The following DIDO1 variants were observed in gnomAD, a reference collection of about 807,000 sequenced individuals.
DIDO1 encodes death inducer-obliterator 1, also known as death-inducer obliterator 1.
A neutral mutation model predicts 99.4 loss-of-function variants in DIDO1; 16 were observed. That is an observed-to-expected ratio of 0.16 (90% confidence interval 0.11 to 0.24). DIDO1 has a LOEUF of 0.24. DIDO1 is among the 10% of genes least tolerant of loss of function. The pLI is 1.00. For missense variants in DIDO1, 2,996 were observed against 3,014.0 expected (o/e 0.99, Z 0.14); for synonymous variants, 1,366 against 1,239.1 (o/e 1.10, Z -2.15).
At chr20:62,908,011 G>A (rs1359458596) in intron 4 of DIDO1, among the ~76,000 whole-genome samples, 1 of 151,928 alleles carries the variant, frequency 6.6e-6, no homozygotes, top group African/African-American at 2.4e-5. Context: ...ACAGGGTCTC[G>A]CTCTGTTGCC....
chr20:62,903,621 T>A (rs3746763), intron 6 of DIDO1, among the ~76,000 whole-genome samples: 34,982 of 152,192 alleles, frequency 0.23, 4,308 homozygotes, highest in East Asian at 0.34. Flanking sequence ...CTGTCACCAA[T>A]GTCTCTAACT....
At chr20:62,901,177 G>A (rs900125403) in intron 6 of DIDO1, among the ~76,000 whole-genome samples, 14 of 152,266 alleles carry the variant, frequency 9.2e-5, no homozygotes, top group African/African-American at 3.4e-4. Flanking sequence ...CATCGCAGAC[G>A]CTCCTCAGAG....
chr20:62,882,248 C>G lies in DIDO1; in HGVS notation c.3708G>C (p.Gln1236His). The change falls in exon 16 of 16, where the codon CAG becomes CAC. Residue 1236 changes from glutamine (Q) to histidine (H), a missense_variant. Physicochemically the swap from Gln to His is conservative, Grantham distance 24. Around this residue, in one of 5 missense-constraint regions of DIDO1, gnomAD observed 1,562 missense variants for 1,412.6 expected, o/e 1.11. Transcript: ENST00000395343. ...PAYPKVATVP[Q>H]SEKKPSKYPL... ...GATACTTGGAGGGCTTCTTTTCCGACTGCGGGACTGTGGCTACTTTTGGAT... is the reference window on the plus strand; with the variant it reads ...GATACTTGGAGGGCTTCTTTTCCGAGTGCGGGACTGTGGCTACTTTTGGAT... 1 of 1,613,980 alleles carries G rather than the reference C, an allele frequency of 6.2e-7. No homozygotes were observed. Among genetic ancestry groups the G allele is most frequent in the Non-Finnish European group, 8.5e-7 (1 of 1,180,034 alleles).
chr20:62,885,664 C>T lies in DIDO1; in HGVS notation c.3542-3250G>A, dbSNP rs377480560. On this transcript the variant is annotated intron_variant, in intron 15 of 15. Transcript: ENST00000395343. ...GATGGGTGCTCGTTCTGAATTTCCCCGCCATTTAAAATTTAAATTGGGCTG... is the reference window on the plus strand; with the variant it reads ...GATGGGTGCTCGTTCTGAATTTCCCTGCCATTTAAAATTTAAATTGGGCTG... 1.2e-3 allele frequency among the ~76,000 whole-genome samples: 181 copies of T among 152,272 alleles called. 8 individuals are homozygous for T. The South Asian group carries it at 0.036, about 30-fold the overall frequency.
chr20:62,880,456 G>T lies in DIDO1; in HGVS notation c.5500C>A (p.Pro1834Thr). The T allele has an allele frequency of 6.2e-7, 1 of 1,612,926 alleles. No homozygotes were observed. The highest frequency in any genetic ancestry group is 1.1e-5 in the South Asian group (1 of 91,088). The change falls in exon 16 of 16, where the codon CCA (proline) becomes ACA (threonine). Residue 1834 changes from proline (P) to threonine (T), a missense_variant. Pro to Thr is a conservative substitution (Grantham distance 38, BLOSUM62 -1). Around this residue, in one of 5 missense-constraint regions of DIDO1, gnomAD observed 1,562 missense variants for 1,412.6 expected, o/e 1.11. Transcript: ENST00000395343. Reference sequence around the variant, plus strand: ...AATTGGGATGGTGCCACTCCTCGTGGTCCACCAAGGTAAGAGGGTGAGGGG... The same window carrying T: ...AATTGGGATGGTGCCACTCCTCGTGTTCCACCAAGGTAAGAGGGTGAGGGG... ...RGPSPSYLGGPRGVAPSQFEE... is the reference protein window; with the variant it reads ...RGPSPSYLGGTRGVAPSQFEE...
intron 1 of DIDO1, among the ~76,000 whole-genome samples, chr20:62,918,244 A>C (rs1318847312): frequency 6.6e-6 from 1 of 152,258 alleles, no homozygotes; most frequent in Non-Finnish European, 1.5e-5. Flanking sequence ...CAACCACTGC[A>C]AATCTGTATG....
Position 62,880,979 on chromosome 20 carries a change from C to T in DIDO1, c.4977G>A (p.Leu1659=), listed in dbSNP as rs1226198939. 1 of 1,605,796 alleles carries T rather than the reference C, an allele frequency of 6.2e-7. No homozygotes were observed. Among genetic ancestry groups the T allele is most frequent in the African/African-American group, 1.3e-5 (1 of 74,890 alleles). ...GGGCGCCGCAAGGCGGTGTGGGCAGCAGCACCCTCCGGGCAGGCCTGGCCG... is the reference window on the plus strand; with the variant it reads ...GGGCGCCGCAAGGCGGTGTGGGCAGTAGCACCCTCCGGGCAGGCCTGGCCG... ...DSSARPARRV[L]LPTPPCGALQ... is the part of the protein sequence containing the mutation. Residue 1659 remains leucine, a synonymous_variant, in exon 16 of 16, where the codon CTG becomes CTA. Coordinates refer to ENST00000395343, the MANE Select transcript of DIDO1 (RefSeq NM_001193369.2).
At chr20:62,882,804 C>T (rs771996659) in intron 15 of DIDO1, among the ~76,000 whole-genome samples, 1 of 151,916 alleles carries the variant, frequency 6.6e-6, no homozygotes, top group African/African-American at 2.4e-5. Context: ...GGAGGGAGGC[C>T]GTGGTGTGAG....
chr20:62,884,597 C>G (rs1463581392), intron 15 of DIDO1, among the ~76,000 whole-genome samples: 5 of 152,220 alleles, frequency 3.3e-5, no homozygotes, highest in Admixed American at 6.5e-5. Context: ...CTAAGTACAT[C>G]TGTTGTTCAT....
chr20:62,911,061 G>A lies in DIDO1; in HGVS notation c.552C>T (p.Ile184=). 17 of 1,613,772 alleles carry A rather than the reference G, an allele frequency of 1.1e-5. No individual in the cohort carries two copies. The highest frequency in any genetic ancestry group is 1.4e-5 in the Non-Finnish European group (17 of 1,180,026). ...QEPTERPLKG[I]QSRLRKKRRE... Reference sequence around the variant, plus strand: ...GGCGCTTCTTCCGCAGGCGACTCTGGATCCCTTTCAGGGGCCTCTCAGTGG... The same window carrying A: ...GGCGCTTCTTCCGCAGGCGACTCTGAATCCCTTTCAGGGGCCTCTCAGTGG... Residue 184 remains isoleucine, a synonymous_variant, in exon 3 of 16, where the codon ATC becomes ATT. Transcript: ENST00000395343. This position sits in a 1 kb window ranked among gnomAD's most constrained non-coding sequence, Gnocchi z 7.0.
At chr20:62,922,434 T>TG (rs906924446) in intron 1 of DIDO1, among the ~76,000 whole-genome samples, 2 of 151,440 alleles carry the variant, frequency 1.3e-5, no homozygotes, top group Non-Finnish European at 2.9e-5. Context: ...GTTAAGCAGA[T>TG]GGGGGGCTCA....
chr20:62,910,573 T>C (rs558395002), intron 3 of DIDO1, among the ~76,000 whole-genome samples: 4 of 152,352 alleles, frequency 2.6e-5, no homozygotes, highest in Admixed American at 1.3e-4. Context: ...GAAACAGCCA[T>C]GTGTGGCCAG....
At chr20:62,888,298 C>T in intron 15 of DIDO1, 1 of 985,536 alleles carries the variant, frequency 1.0e-6, no homozygotes, top group African/African-American at 1.7e-5. Flanking sequence ...CTGCGTGAAT[C>T]TCTACCCCCA....
chr20:62,925,552 G>C (rs536862996), intron 1 of DIDO1, among the ~76,000 whole-genome samples: 11 of 152,318 alleles, frequency 7.2e-5, no homozygotes, highest in Admixed American at 3.3e-4. Context: ...ACAAGTTAAA[G>C]AGTATTTTCA....
In DIDO1 at chr20:62,881,040, C is replaced by G. The variant is rs1191809614; in HGVS notation, c.4916G>C (p.Gly1639Ala). 1 of 1,604,658 alleles carries G rather than the reference C, an allele frequency of 6.2e-7. No homozygotes were observed. Among genetic ancestry groups the G allele is most frequent in the Non-Finnish European group, 8.5e-7 (1 of 1,178,240 alleles). Reference sequence around the variant, plus strand: ...AACCGTGGCGGGGCGGGTGCCCTCCCCAGGCTCTGCCTTCCAGCCGTCCTG... The same window carrying G: ...AACCGTGGCGGGGCGGGTGCCCTCCGCAGGCTCTGCCTTCCAGCCGTCCTG... ...SEQDGWKAEPGEGTRPATVGD... is the reference protein window; with the variant it reads ...SEQDGWKAEPAEGTRPATVGD... The change falls in exon 16 of 16, where the codon GGG becomes GCG. Residue 1639 changes from glycine (G) to alanine (A), a missense_variant. By Grantham distance (60) the Gly-to-Ala change is moderately conservative (BLOSUM62 0). Around this residue, in one of 5 missense-constraint regions of DIDO1, gnomAD observed 1,562 missense variants for 1,412.6 expected, o/e 1.11. Coordinates refer to ENST00000395343, the MANE Select transcript of DIDO1 (RefSeq NM_001193369.2). The surrounding 1 kb of genome is among the most constrained non-coding windows in gnomAD (Gnocchi z 8.3).
intron 15 of DIDO1, among the ~76,000 whole-genome samples, chr20:62,883,699 C>G: frequency 6.6e-6 from 1 of 152,294 alleles, no homozygotes; most frequent in South Asian, 2.1e-4. Flanking sequence ...GTGGCGCACA[C>G]CTGTAGTCCC....
At position 62,905,429 on chromosome 20, in the gene DIDO1, T is replaced by C. The variant is rs145665043; in HGVS notation, c.1588+458A>G. On this transcript the variant is annotated intron_variant, in intron 6 of 15. Transcript: ENST00000395343. ...CTAACTTGCAAAGATTCCCACAACA[T>C]AAAAAAGAAGTGATGCTTTCATGTG... The C allele has an allele frequency of 8.2e-5, 123 of 1,501,030 alleles. No individual in the cohort carries two copies. The African/African-American group carries it at 1.5e-3, about 18-fold the overall frequency. The allele number at this position is 1,501,030 out of a possible 1,614,324, so 93.0% of individuals were successfully genotyped here. A position where few individuals can be genotyped will look rare whatever the true frequency, so the allele number is the denominator to read the frequency against.
At chr20:62,908,391 C>T (rs898836562) in intron 4 of DIDO1, among the ~76,000 whole-genome samples, 2 of 152,222 alleles carry the variant, frequency 1.3e-5, no homozygotes, top group African/African-American at 4.8e-5. Flanking sequence ...CCTGTGAGAC[C>T]TGAGCAGCAG....
intron 3 of DIDO1, 30 bp downstream of exon 3, chr20:62,910,744 G>T (rs753793989): frequency 3.8e-6 from 6 of 1,590,138 alleles, no homozygotes; most frequent in Middle Eastern, 1.7e-4. Context: ...GCAACCCTGG[G>T]ATTTCTGTGG....
Sources: allele counts gnomAD v4.1 joint callset (sites outside exome capture counted in the v4.1 genomes callset), GRCh38; gene constraint gnomAD v4.1.1; regional missense constraint gnomAD v4.1.1; non-coding constraint Gnocchi (gnomAD v3.1); transcripts MANE v1.5; gene names NCBI Gene and HGNC (gene_info 2026-07-23, HGNC 2026-07-21).